Variants in SLC12A6 observed in about 807,000 individuals in gnomAD.
SLC12A6 encodes the protein K-Cl cotransporter 3.
Under a neutral mutation model 135.3 loss-of-function variants are expected in SLC12A6, and 66 were observed. The ratio of observed to expected loss-of-function variants is 0.49; its 90% CI spans 0.40 to 0.60. The LOEUF is 0.60. Among genes scored for constraint, SLC12A6 ranks in the 20% least tolerant of loss-of-function variants. SLC12A6 has a pLI of 0.00. For missense variants in SLC12A6, 1,058 were observed against 1,452.3 expected (o/e 0.73, Z 4.41); for synonymous variants, 513 against 508.8 (o/e 1.01, Z -0.11).
intron 2 of SLC12A6, among the ~76,000 whole-genome samples, chr15:34,327,320 T>G (rs1049433910): frequency 1.6e-4 from 25 of 152,158 alleles, no homozygotes; most frequent in Admixed American, 1.6e-3. Flanking sequence ...ATCTTTTGTT[T>G]GCATCTTAGG....
In SLC12A6 at chr15:34,236,008, A is replaced by G; in HGVS notation, c.3227+7T>C. On this transcript the variant is annotated splice_region_variant and intron_variant, in intron 24 of 25. Transcript: ENST00000354181. ...TTTATGATAAACTTGGGAGTGGGAA[A>G]ACTTACGGACGCATGTTAAGCAGGT... The G allele has an allele frequency of 6.2e-7, 1 of 1,611,648 alleles. No individual in the cohort carries two copies. Among genetic ancestry groups the G allele is most frequent in the Non-Finnish European group, 8.5e-7 (1 of 1,177,792 alleles).
intron 2 of SLC12A6, among the ~76,000 whole-genome samples, chr15:34,322,542 A>G (rs974744652): frequency 2.6e-5 from 4 of 152,188 alleles, no homozygotes; most frequent in Non-Finnish European, 5.9e-5. Context: ...CTGATTCTGC[A>G]ATTTACCTTA....
At chr15:34,288,093 G>C (rs1028155447) in intron 2 of SLC12A6, among the ~76,000 whole-genome samples, 17 of 152,172 alleles carry the variant, frequency 1.1e-4, no homozygotes, top group African/African-American at 4.1e-4. Context: ...TTTTCTTCTA[G>C]GATTTTTATG....
chr15:34,300,679 G>A (rs1269654386), intron 2 of SLC12A6, among the ~76,000 whole-genome samples: 1 of 151,830 alleles, frequency 6.6e-6, no homozygotes, highest in Non-Finnish European at 1.5e-5. Flanking sequence ...TGTAGTCCCA[G>A]CTACTTGGGA....
chr15:34,280,032 T>C (rs1449145037), intron 2 of SLC12A6, among the ~76,000 whole-genome samples: 1 of 152,252 alleles, frequency 6.6e-6, no homozygotes, highest in Non-Finnish European at 1.5e-5. Context: ...AGTGAAATGA[T>C]TGTGGGTGGT....
rs746999362 is a variant in SLC12A6 at position 34,233,710 on chromosome 15, G to A, written c.*171C>T. 3.0e-6 allele frequency: 2 copies of A among 660,082 alleles called. No homozygotes were observed. Among genetic ancestry groups the A allele is most frequent in the Admixed American group, 2.2e-5 (1 of 44,870 alleles). 40.9% of individuals were successfully genotyped at this position (660,082 alleles called of 1,614,324 possible). A position where few individuals can be genotyped will look rare whatever the true frequency, so the allele number is the denominator to read the frequency against. On this transcript the variant is annotated 3_prime_UTR_variant, in exon 26 of 26. Transcript: ENST00000354181. ...CTTTTTCTGTAATGACTGCAGATCA[G>A]ATGGGAGCTCTTTTACACAGGTACT...
At position 34,257,731 on chromosome 15, in the gene SLC12A6, C is replaced by T. The variant is rs1349583305; in HGVS notation, c.601G>A (p.Gly201Arg). 1 of 1,610,896 alleles carries T rather than the reference C, an allele frequency of 6.2e-7. No individual in the cohort carries two copies. The highest frequency in any genetic ancestry group is 2.2e-5 in the East Asian group (1 of 44,842). Residue 201 changes from glycine (G) to arginine (R), a missense_variant, in exon 6 of 26, where the codon GGA becomes AGA. This residue lies in a region of SLC12A6 where 139 missense variants were observed against 202.2 expected (regional missense o/e 0.69). Coordinates refer to ENST00000354181, the MANE Select transcript of SLC12A6 (RefSeq NM_001365088.1). ...GTAAGGCGTAAAAAAAGGATCACTC[C>T]AAAAATATTTTGTAGACATGGGAGG... Reference protein sequence around the residue: ...VYLPCLQNIFGVILFLRLTWV... With the variant: ...VYLPCLQNIFRVILFLRLTWV...
At chr15:34,262,261 C>G (rs74413576) in intron 3 of SLC12A6, among the ~76,000 whole-genome samples, 4,688 of 152,140 alleles carry the variant, frequency 0.031, 252 homozygotes, top group African/African-American at 0.11. Context: ...TTGTTTTAGC[C>G]TTTTTTTGCA....
At chr15:34,301,796 C>T (rs1896278543) in intron 2 of SLC12A6, among the ~76,000 whole-genome samples, 2 of 152,192 alleles carry the variant, frequency 1.3e-5, no homozygotes, top group African/African-American at 2.4e-5. Flanking sequence ...TCGAGACCAG[C>T]CTGCAGATCT....
At position 34,255,364 on chromosome 15, in the gene SLC12A6, C is replaced by G; in HGVS notation, c.774G>C (p.Arg258=). 2 of 1,610,878 alleles carry G rather than the reference C, an allele frequency of 1.2e-6. No homozygotes were observed. Among genetic ancestry groups the G allele is most frequent in the South Asian group, 2.2e-5 (2 of 91,000 alleles). ...CCCCACCAAACTCTGGGCCCAGTGC[C>G]CGGGAAATCATAAAGTATGAGCCCC... ...PAGGSYFMIS[R]ALGPEFGGAV... Residue 258 remains arginine, a synonymous_variant, in exon 8 of 26, where the codon CGG becomes CGC. Coordinates refer to ENST00000354181, the MANE Select transcript of SLC12A6 (RefSeq NM_001365088.1).
intron 21 of SLC12A6, among the ~76,000 whole-genome samples, chr15:34,237,998 C>T (rs1378562314): frequency 1.3e-5 from 2 of 152,108 alleles, no homozygotes; most frequent in Non-Finnish European, 2.9e-5. Flanking sequence ...TCCCCTAGGG[C>T]TCATATGGAA....
At chr15:34,291,095 G>C (rs1895488996) in intron 2 of SLC12A6, among the ~76,000 whole-genome samples, 1 of 152,188 alleles carries the variant, frequency 6.6e-6, no homozygotes, top group African/African-American at 2.4e-5. Flanking sequence ...TTTACAATTT[G>C]GTATGTTGTT....
intron 4 of SLC12A6, among the ~76,000 whole-genome samples, chr15:34,260,362 C>T (rs999408845): frequency 1.3e-5 from 2 of 152,110 alleles, no homozygotes; most frequent in Admixed American, 1.3e-4. Flanking sequence ...GGGTGCATGC[C>T]ATTCTCCTGC....
chr15:34,239,149 G>A lies in SLC12A6; in HGVS notation c.2448C>T (p.His816=), dbSNP rs1396516226. 6.2e-7 allele frequency: 1 copy of A among 1,612,986 alleles called. No homozygotes were observed. The highest frequency in any genetic ancestry group is 1.3e-5 in the African/African-American group (1 of 74,888). Residue 816 remains histidine (H), a synonymous_variant, in exon 20 of 26, where the codon CAC becomes CAT. Transcript: ENST00000354181. The part of the protein sequence containing the change: ...EALAAEQTIK[H]LMEAEKVKGF... ...CTTTTACCTTCTCTGCCTCCATTAG[G>A]TGCTTTATGGTCTGAAAGAGACACA...
At chr15:34,301,938 G>T (rs1456420258) in intron 2 of SLC12A6, among the ~76,000 whole-genome samples, 4 of 152,230 alleles carry the variant, frequency 2.6e-5, no homozygotes, top group African/African-American at 9.6e-5. Flanking sequence ...CAAGAGAAAT[G>T]TTAAGACCAC....
upstream of SLC12A6, chr15:34,338,023 C>G (rs1161125199): frequency 6.6e-6 from 1 of 151,940 alleles, no homozygotes; most frequent in African/African-American, 2.4e-5. Flanking sequence ...CGCCCGAAAG[C>G]CCCGCCCAGC....
At chr15:34,312,050 T>C (rs1379613491) in intron 2 of SLC12A6, among the ~76,000 whole-genome samples, 3 of 152,242 alleles carry the variant, frequency 2.0e-5, no homozygotes, top group Non-Finnish European at 4.4e-5. Context: ...TTATAGATGG[T>C]ACATAATCCC....
intron 20 of SLC12A6, 98 bp from the exon 21 acceptor site, chr15:34,238,499 G>C: frequency 1.1e-6 from 1 of 892,092 alleles, no homozygotes; most frequent in South Asian, 1.4e-5. Flanking sequence ...ACACTTCTTT[G>C]AGCAAGGGGT....
At chr15:34,336,378 G>T (rs1372473947) in intron 2 of SLC12A6, 32 bp downstream of exon 2, 2 of 1,573,152 alleles carry the variant, frequency 1.3e-6, no homozygotes, top group South Asian at 1.1e-5. Flanking sequence ...ACCCAGTAAT[G>T]AAAGTATGCT....
Sources: allele counts gnomAD v4.1 joint callset (sites outside exome capture counted in the v4.1 genomes callset), GRCh38; gene constraint gnomAD v4.1.1; regional missense constraint gnomAD v4.1.1; transcripts MANE v1.5; gene names NCBI Gene and HGNC (gene_info 2026-07-23, HGNC 2026-07-21).